Variants in TBC1D1 observed in about 807,000 individuals in gnomAD.
The protein encoded by TBC1D1 is TBC1 (tre-2/USP6, BUB2, cdc16) domain family, member 1.
A neutral mutation model predicts 125.6 loss-of-function variants in TBC1D1; 89 were observed. That is an observed-to-expected ratio of 0.71 (90% CI 0.60 to 0.85). The LOEUF (loss-of-function observed/expected upper bound fraction) is 0.85, where lower values mean the gene tolerates loss of function less well. TBC1D1 is among the 40% of genes least tolerant of loss of function. The pLI is 0.00. For missense variants in TBC1D1, 1,377 were observed against 1,469.2 expected, an observed-to-expected ratio of 0.94 and a Z score of 1.03; for synonymous variants, 565 against 564.1, an observed-to-expected ratio of 1.00 and a Z score of -0.02.
At chr4:38,049,988 G>A (rs1379329002) in intron 11 of TBC1D1, 90 bp downstream of exon 11, 3 of 1,391,970 alleles carry the variant, frequency 2.2e-6, no homozygotes, top group African/African-American at 2.9e-5. Context: ...TATTGAGTGA[G>A]AGAAATGAGT....
intron 2 of TBC1D1, among the ~76,000 whole-genome samples, chr4:37,994,899 G>A (rs1737439544): frequency 6.6e-6 from 1 of 152,066 alleles, no homozygotes; most frequent in Admixed American, 6.5e-5. Context: ...TGAACTTTTG[G>A]CAAGCTGGGA....
intron 1 of TBC1D1, among the ~76,000 whole-genome samples, chr4:37,899,302 C>G (rs756571620): frequency 1.3e-5 from 2 of 151,956 alleles, no homozygotes; most frequent in Non-Finnish European, 2.9e-5. Context: ...GAGATGAGAC[C>G]GAGTTAGCTT....
At chr4:38,050,204 G>A (rs1219169382) in intron 11 of TBC1D1, among the ~76,000 whole-genome samples, 1 of 152,162 alleles carries the variant, frequency 6.6e-6, no homozygotes, top group Non-Finnish European at 1.5e-5. Context: ...TGAGGAAGAG[G>A]GCAAGCGGAT....
intron 12 of TBC1D1, among the ~76,000 whole-genome samples, chr4:38,059,461 A>G (rs767358657): frequency 1.3e-5 from 2 of 152,248 alleles, no homozygotes; most frequent in Admixed American, 6.5e-5. Flanking sequence ...AGATCGTGAA[A>G]TAGAATCCTG....
At position 37,900,131 on chromosome 4, in the gene TBC1D1, GA is replaced by G. The variant is rs545252964; in HGVS notation, c.-93-1858del. Among the ~76,000 whole-genome samples the G allele has an allele frequency of 6.9e-3, 820 of 118,622 alleles. 7 individuals are homozygous for G. Among genetic ancestry groups the G allele is most frequent in the African/African-American group, 0.021 (663 of 31,300 alleles). 77.8% of individuals were successfully genotyped at this position (118,622 alleles called of 152,430 possible). The stretch of plus-strand genomic sequence containing the variant: ...GCGAGGAGCCGTCTCAAAAAAAAAA[GA>G]AAAAAAAAAAAAAGTAAGGAAGGTG... On this transcript the variant is annotated intron_variant, in intron 1 of 19. Coordinates refer to ENST00000261439, the MANE Select transcript of TBC1D1 (RefSeq NM_015173.4).
At position 38,002,612 on chromosome 4, in the gene TBC1D1, CCAGA is replaced by C. The variant is rs1739293503; in HGVS notation, c.418-11893_418-11890del. On this transcript the variant is annotated intron_variant, in intron 2 of 19. Transcript: ENST00000261439. ...AGACTTATTGAATACTTGCAGTATGCCAGACAGTGTACTAGGCACTTACTTTGTC... is the reference window on the plus strand; with the variant it reads ...AGACTTATTGAATACTTGCAGTATGCCAGTGTACTAGGCACTTACTTTGTC... Among the ~76,000 whole-genome samples the C allele has an allele frequency of 2.0e-5, 3 of 152,294 alleles. No homozygotes were observed. The East Asian group carries it at 5.8e-4, about 29-fold the overall frequency.
At chr4:38,098,729 A>T (rs1759797922) in intron 14 of TBC1D1, among the ~76,000 whole-genome samples, 1 of 152,230 alleles carries the variant, frequency 6.6e-6, no homozygotes, top group Non-Finnish European at 1.5e-5. Flanking sequence ...GAATCAAAAA[A>T]TTTGAGCCTA....
chr4:37,936,095 G>A (rs566804010), intron 2 of TBC1D1, among the ~76,000 whole-genome samples: 2 of 152,184 alleles, frequency 1.3e-5, no homozygotes, highest in Admixed American at 6.5e-5. Flanking sequence ...ACAGATCACC[G>A]CTTAGACGTG....
At chr4:37,949,028 C>T (rs1202652289) in intron 2 of TBC1D1, among the ~76,000 whole-genome samples, 3 of 152,142 alleles carry the variant, frequency 2.0e-5, no homozygotes, top group Non-Finnish European at 4.4e-5. Flanking sequence ...CAGTTGATGG[C>T]CATGGGTTGC....
chr4:37,974,999 G>A (rs907166988), intron 2 of TBC1D1, among the ~76,000 whole-genome samples: 1 of 152,206 alleles, frequency 6.6e-6, no homozygotes, highest in African/African-American at 2.4e-5. Flanking sequence ...AGAGACGAGA[G>A]AGTGTAGAAA....
At chr4:38,035,762 T>A (rs1747092959) in intron 8 of TBC1D1, 64 bp downstream of exon 8, 2 of 1,220,358 alleles carry the variant, frequency 1.6e-6, no homozygotes, top group Non-Finnish European at 2.4e-6. Flanking sequence ...ATAAACAACG[T>A]TTTGAGGATT....
chr4:38,109,044 G>T (rs990310899), intron 15 of TBC1D1, among the ~76,000 whole-genome samples: 1 of 152,220 alleles, frequency 6.6e-6, no homozygotes, highest in Middle Eastern at 3.2e-3. Flanking sequence ...AGGGGTGCTG[G>T]CGGGGACCAC....
At chr4:38,075,954 TCTC>T (rs1336947236) in intron 12 of TBC1D1, among the ~76,000 whole-genome samples, 1 of 152,218 alleles carries the variant, frequency 6.6e-6, no homozygotes, top group East Asian at 1.9e-4. Flanking sequence ...AACCAGCTCT[TCTC>T]TGTAAATTAC....
intron 2 of TBC1D1, among the ~76,000 whole-genome samples, chr4:38,005,651 T>G (rs1739996258): frequency 6.6e-6 from 1 of 152,212 alleles, no homozygotes; most frequent in Non-Finnish European, 1.5e-5. Context: ...AGCTTTATCT[T>G]TTACCTTAGA....
chr4:38,018,575 C>T (rs999291635), intron 4 of TBC1D1, 132 bp downstream of exon 4: 10 of 508,008 alleles, frequency 2.0e-5, no homozygotes, highest in Non-Finnish European at 2.9e-5. Context: ...ATTTGTGTTT[C>T]GCTTTTCTTC....
chr4:38,033,402 G>T (rs879632516), intron 7 of TBC1D1, among the ~76,000 whole-genome samples: 1 of 151,708 alleles, frequency 6.6e-6, no homozygotes, highest in Non-Finnish European at 1.5e-5. Flanking sequence ...ATTTTTTTTA[G>T]AGCAGTTTTA....
chr4:37,980,638 A>G (rs556870434), intron 2 of TBC1D1, among the ~76,000 whole-genome samples: 1 of 152,350 alleles, frequency 6.6e-6, no homozygotes, highest in Admixed American at 6.5e-5. Context: ...AAAATGGAAA[A>G]TGAGAACTAA....
At position 37,960,890 on chromosome 4, in the gene TBC1D1, G is replaced by A. The variant is rs747128462; in HGVS notation, c.418-53619G>A. The stretch of plus-strand genomic sequence containing the variant: ...TGCCTCTCATGATCCTTGATGAGGA[G>A]GGAGAGCTTGAAAAGCTGTTTCAGC... On this transcript the variant is annotated intron_variant, in intron 2 of 19. Transcript: ENST00000261439. The A allele has an allele frequency of 1.3e-5, 21 of 1,614,170 alleles. No individual in the cohort carries two copies. The South Asian group carries it at 1.9e-4, about 14-fold the overall frequency.
intron 15 of TBC1D1, chr4:38,112,020 T>G (rs17497866): frequency 0.23 from 227,963 of 984,942 alleles, 26,978 homozygotes; most frequent in Non-Finnish European, 0.24. Context: ...GCTTGGCCAG[T>G]TTCATGCAGG....
Sources: allele counts gnomAD v4.1 joint callset (sites outside exome capture counted in the v4.1 genomes callset), GRCh38; gene constraint gnomAD v4.1.1; transcripts MANE v1.5; gene names NCBI Gene and HGNC (gene_info 2026-07-23, HGNC 2026-07-21).